The following ERLEC1 variants were observed in gnomAD, a reference collection of about 807,000 sequenced individuals.
ERLEC1 encodes the protein endoplasmic reticulum lectin 1.
Under a neutral mutation model 68.0 loss-of-function variants are expected in ERLEC1, and 47 were observed. The observed-to-expected ratio is 0.69, with a 90% CI of 0.55 to 0.88. ERLEC1 has a LOEUF of 0.88. Ranked by LOEUF, ERLEC1 falls within the 40% of genes least tolerant of loss-of-function variation. The pLI, the probability that ERLEC1 is intolerant of heterozygous loss-of-function variation, is 0.00. For synonymous variants in ERLEC1, 225 were observed against 203.2 expected, an observed-to-expected ratio of 1.11 and a Z score of -0.91; for missense variants, 567 against 583.8, an observed-to-expected ratio of 0.97 and a Z score of 0.30.
intron 8 of ERLEC1, among the ~76,000 whole-genome samples, chr2:53,802,504 G>A (rs1676059974): frequency 6.6e-6 from 1 of 151,978 alleles, no homozygotes. Context: ...ATTATTTCTT[G>A]GAACCAGAAA....
rs751616060 is a variant in ERLEC1 at position 53,801,536 on chromosome 2, A to C, written c.665A>C (p.Glu222Ala). The change falls in exon 7 of 14, where the codon GAA becomes GCA. Residue 222 changes from glutamate (E) to alanine (A), a missense_variant. Coordinates refer to ENST00000185150, the MANE Select transcript of ERLEC1 (RefSeq NM_015701.5). Reference sequence around the variant, plus strand: ...ATATGTCATCCTGAATCTAAGCATGAAATTCTTTCAGTAGCTGAAGTTACA... The same window carrying C: ...ATATGTCATCCTGAATCTAAGCATGCAATTCTTTCAGTAGCTGAAGTTACA... ...MYICHPESKHEILSVAEVTTC... is the reference protein window; with the variant it reads ...MYICHPESKHAILSVAEVTTC... The C allele has an allele frequency of 6.2e-7, 1 of 1,614,148 alleles. No individual in the cohort carries two copies. The highest frequency in any genetic ancestry group is 8.5e-7 in the Non-Finnish European group (1 of 1,179,998).
intron 1 of ERLEC1, 100 bp downstream of exon 1, chr2:53,787,472 C>T (rs1039732566): frequency 1.4e-5 from 19 of 1,385,398 alleles, no homozygotes; most frequent in Admixed American, 1.1e-4. Flanking sequence ...AAGACCTTCT[C>T]TGCAGACTCT....
chr2:53,798,729 A>C (rs1265361743), intron 5 of ERLEC1, among the ~76,000 whole-genome samples: 1 of 151,686 alleles, frequency 6.6e-6, no homozygotes, highest in Non-Finnish European at 1.5e-5. Context: ...CAAATTGTGA[A>C]ATATGTTTAT....
chr2:53,816,430 G>A (rs560750765), intron 13 of ERLEC1, among the ~76,000 whole-genome samples: 11 of 151,742 alleles, frequency 7.2e-5, no homozygotes, highest in Middle Eastern at 3.4e-3. Flanking sequence ...TACCACGTCC[G>A]GCTAATTTTT....
At chr2:53,812,241 A>G (rs975885838) in intron 10 of ERLEC1, among the ~76,000 whole-genome samples, 2 of 152,120 alleles carry the variant, frequency 1.3e-5, no homozygotes, top group African/African-American at 4.8e-5. Context: ...TACTAACCAG[A>G]TATCTATTAG....
chr2:53,797,712 T>C lies in ERLEC1; in HGVS notation c.427-20T>C, dbSNP rs1675789432. Reference sequence around the variant, plus strand: ...CTTTGCAAAATACTTAGTATATTTTTATTTTACTTTTCAATGTAGAAAATA... The same window carrying C: ...CTTTGCAAAATACTTAGTATATTTTCATTTTACTTTTCAATGTAGAAAATA... On this transcript the variant is annotated intron_variant, in intron 4 of 13. Coordinates refer to ENST00000185150, the MANE Select transcript of ERLEC1 (RefSeq NM_015701.5). 6.2e-7 allele frequency: 1 copy of C among 1,601,658 alleles called. No homozygotes were observed. Among genetic ancestry groups the C allele is most frequent in the South Asian group, 1.1e-5 (1 of 89,964 alleles).
At chr2:53,815,501 C>T (rs893489428) in intron 13 of ERLEC1, among the ~76,000 whole-genome samples, 2 of 152,114 alleles carry the variant, frequency 1.3e-5, no homozygotes, top group African/African-American at 2.4e-5. Context: ...TATATACACC[C>T]ATGTAACTAT....
intron 3 of ERLEC1, 125 bp from the exon 4 acceptor site, chr2:53,797,390 T>C (rs910811910): frequency 3.1e-6 from 2 of 637,608 alleles, no homozygotes; most frequent in Non-Finnish European, 5.3e-6. Flanking sequence ...GGCATAATTA[T>C]AAGTGTCATT....
At chr2:53,807,892 G>C (rs547926766) in intron 8 of ERLEC1, among the ~76,000 whole-genome samples, 35 of 152,158 alleles carry the variant, frequency 2.3e-4, no homozygotes, top group African/African-American at 7.9e-4. Context: ...AGGCGTGGTG[G>C]CAGGCTCCTA....
At chr2:53,789,368 T>C (rs1458561340) in intron 1 of ERLEC1, among the ~76,000 whole-genome samples, 1 of 132,964 alleles carries the variant, frequency 7.5e-6, no homozygotes, top group East Asian at 2.2e-4. Context: ...CACTCCAGCC[T>C]GGGTGACAGA....
At chr2:53,799,310 G>A (rs1280891736) in intron 6 of ERLEC1, among the ~76,000 whole-genome samples, 1 of 152,106 alleles carries the variant, frequency 6.6e-6, no homozygotes, top group Non-Finnish European at 1.5e-5. Context: ...ATCTATCACT[G>A]ATGTATCTGG....
intron 11 of ERLEC1, among the ~76,000 whole-genome samples, chr2:53,813,939 T>C (rs902242564): frequency 5.3e-5 from 8 of 151,804 alleles, no homozygotes; most frequent in Admixed American, 1.3e-4. Context: ...TCTTCCCCCC[T>C]CCCACAGACA....
intron 10 of ERLEC1, among the ~76,000 whole-genome samples, chr2:53,811,748 G>T (rs1457538867): frequency 6.6e-6 from 1 of 152,128 alleles, no homozygotes; most frequent in Non-Finnish European, 1.5e-5. Flanking sequence ...AGGCAGTCTG[G>T]CTCCATATCC....
intron 12 of ERLEC1, 25 bp downstream of exon 12, chr2:53,814,645 T>C: frequency 6.5e-7 from 1 of 1,542,462 alleles, no homozygotes; most frequent in Non-Finnish European, 8.9e-7. Flanking sequence ...CAAATCATGC[T>C]GTATGCCTTT....
Position 53,797,788 on chromosome 2 carries a change from TGA to T in ERLEC1, c.484_485del (p.Glu162LysfsTer13). 3 of 1,611,798 alleles carry T rather than the reference TGA, an allele frequency of 1.9e-6. No homozygotes were observed. The highest frequency in any genetic ancestry group is 2.5e-6 in the Non-Finnish European group (3 of 1,178,658). ...GNMLAKNLLFEKEREAEEKEK... is the reference protein window; with the variant it reads ...GNMLAKNLLFXKEREAEEKEK... ...ATATGTTGGCCAAGAACCTTCTATT[TGA>T]AAAAGGTTGGTGTCTACCCAGTGAT... On this transcript the variant is annotated frameshift_variant, in exon 5 of 14. Transcript: ENST00000185150. LOFTEE classifies it high-confidence loss of function.
chr2:53,812,834 T>A, intron 10 of ERLEC1, 115 bp from the exon 11 acceptor site: 1 of 1,033,660 alleles, frequency 9.7e-7, no homozygotes, highest in South Asian at 1.7e-5. Context: ...TACACCTAAA[T>A]ATAGATATCC....
At chr2:53,815,094 C>T (rs1472503768) in intron 13 of ERLEC1, among the ~76,000 whole-genome samples, 159 bp downstream of exon 13, 1 of 149,524 alleles carries the variant, frequency 6.7e-6, no homozygotes, top group East Asian at 2.0e-4. Context: ...CAACCTCTGC[C>T]TCCCAGGTTC....
At chr2:53,789,661 A>C (rs1240522959) in intron 1 of ERLEC1, among the ~76,000 whole-genome samples, 1 of 152,076 alleles carries the variant, frequency 6.6e-6, no homozygotes, top group Non-Finnish European at 1.5e-5. Flanking sequence ...CACAATAGTC[A>C]TTATCATTGG....
intron 8 of ERLEC1, among the ~76,000 whole-genome samples, chr2:53,802,766 C>T (rs942199888): frequency 3.9e-5 from 6 of 152,134 alleles, no homozygotes; most frequent in Admixed American, 3.9e-4. Context: ...GAGTTTTGCT[C>T]TCTCACCCAG....
Sources: allele counts gnomAD v4.1 joint callset (sites outside exome capture counted in the v4.1 genomes callset), GRCh38; gene constraint gnomAD v4.1.1; transcripts MANE v1.5; gene names NCBI Gene and HGNC (gene_info 2026-07-23, HGNC 2026-07-21).